The following RANBP17 variants were observed in gnomAD, a reference collection of about 807,000 sequenced individuals.
The protein encoded by RANBP17 is ran-binding protein 17.
Under a neutral mutation model 141.2 loss-of-function variants are expected in RANBP17, and 158 were observed. The ratio of observed to expected loss-of-function variants is 1.12; its 90% CI spans 0.98 to 1.28. The LOEUF (loss-of-function observed/expected upper bound fraction) is 1.28, where lower values mean the gene tolerates loss of function less well. Among genes scored for constraint, RANBP17 ranks in the 50% most tolerant of loss-of-function variants. The probability of loss-of-function intolerance (pLI) is 0.00; values close to 1 mark genes in which losing one functional copy is unlikely to be tolerated. For missense variants in RANBP17, 1,438 were observed against 1,290.7 expected (o/e 1.11, Z -1.75); for synonymous variants, 430 against 450.0 (o/e 0.96, Z 0.56).
chr5:170,946,817 T>G (rs1371867391), intron 12 of RANBP17, among the ~76,000 whole-genome samples: 1 of 152,196 alleles, frequency 6.6e-6, no homozygotes, highest in Non-Finnish European at 1.5e-5. Context: ...TTCAGCATTA[T>G]GCTTAGATCA....
chr5:171,025,837 C>G (rs1781200067), intron 14 of RANBP17, among the ~76,000 whole-genome samples: 1 of 152,108 alleles, frequency 6.6e-6, no homozygotes, highest in Admixed American at 6.6e-5. Flanking sequence ...ATCCTCCTGC[C>G]TCGGTCTCCC....
At chr5:171,200,212 G>A (rs1205402136) in intron 19 of RANBP17, among the ~76,000 whole-genome samples, 1 of 151,992 alleles carries the variant, frequency 6.6e-6, no homozygotes, top group African/African-American at 2.4e-5. Context: ...TTATTAAATG[G>A]CTAGGCATAT....
chr5:171,001,909 G>A (rs534445768), intron 14 of RANBP17, among the ~76,000 whole-genome samples: 1 of 152,252 alleles, frequency 6.6e-6, no homozygotes, highest in Non-Finnish European at 1.5e-5. Context: ...TCCAGTGAAA[G>A]CATCTACCGA....
chr5:171,224,846 T>G (rs1172446678), intron 22 of RANBP17, among the ~76,000 whole-genome samples: 1 of 152,244 alleles, frequency 6.6e-6, no homozygotes, highest in Non-Finnish European at 1.5e-5. Flanking sequence ...TAGTCCTATA[T>G]TAGACCATTT....
intron 1 of RANBP17, among the ~76,000 whole-genome samples, chr5:170,863,091 A>G (rs370351756): frequency 3.9e-5 from 6 of 152,280 alleles, no homozygotes; most frequent in East Asian, 1.9e-4. Flanking sequence ...GAACAAAACT[A>G]TGGTTTCTAC....
chr5:171,272,848 G>GC (rs72532757), intron 25 of RANBP17, among the ~76,000 whole-genome samples: 152,290 of 152,292 alleles, frequency 1, 76,144 homozygotes, highest in Middle Eastern at 1. Context: ...AAGTGGCTTT[G>GC]CAGTTGCTGC....
At chr5:171,258,267 A>G (rs1766054077) in intron 24 of RANBP17, among the ~76,000 whole-genome samples, 1 of 152,150 alleles carries the variant, frequency 6.6e-6, no homozygotes, top group South Asian at 2.1e-4. Context: ...AAAACATCCT[A>G]TGCTCATGGA....
intron 25 of RANBP17, among the ~76,000 whole-genome samples, chr5:171,272,023 A>G (rs1767147250): frequency 6.6e-6 from 1 of 152,226 alleles, no homozygotes; most frequent in Non-Finnish European, 1.5e-5. Context: ...TCAAAAAGAA[A>G]GAGATCATGT....
At chr5:170,953,491 C>T (rs538378398) in intron 12 of RANBP17, 106 bp from the exon 13 acceptor site, 4 of 681,188 alleles carry the variant, frequency 5.9e-6, no homozygotes, top group Admixed American at 2.8e-5. Flanking sequence ...TAATTTATCA[C>T]TCATTTGGAA....
At chr5:170,995,272 T>C (rs1309683621) in intron 14 of RANBP17, among the ~76,000 whole-genome samples, 1 of 152,144 alleles carries the variant, frequency 6.6e-6, no homozygotes, top group Non-Finnish European at 1.5e-5. Context: ...GCATTTACCA[T>C]GTTGTCTTTT....
At chr5:170,967,883 T>A (rs1452982749) in intron 13 of RANBP17, among the ~76,000 whole-genome samples, 1 of 151,748 alleles carries the variant, frequency 6.6e-6, no homozygotes, top group Non-Finnish European at 1.5e-5. Flanking sequence ...AATATCCTTC[T>A]TCTTTTACTA....
intron 14 of RANBP17, among the ~76,000 whole-genome samples, chr5:171,094,975 T>G (rs1786573343): frequency 6.6e-6 from 1 of 152,158 alleles, no homozygotes; most frequent in Non-Finnish European, 1.5e-5. Context: ...GTAAGTCCAA[T>G]CCCTGGTGCC....
intron 14 of RANBP17, among the ~76,000 whole-genome samples, chr5:171,036,437 A>G (rs182743661): frequency 1.1e-4 from 16 of 151,900 alleles, no homozygotes; most frequent in East Asian, 1.9e-4. Context: ...ACAATTTTCT[A>G]TCTTTTTCTT....
intron 25 of RANBP17, among the ~76,000 whole-genome samples, chr5:171,286,507 T>C (rs1768181372): frequency 6.6e-6 from 1 of 152,172 alleles, no homozygotes; most frequent in African/African-American, 2.4e-5. Flanking sequence ...ATATAGATAA[T>C]TTTAAAATTT....
chr5:171,230,631 G>A (rs994321278), intron 22 of RANBP17, among the ~76,000 whole-genome samples: 8 of 152,126 alleles, frequency 5.3e-5, no homozygotes, highest in Middle Eastern at 3.4e-3. Flanking sequence ...GTGTGGTGGC[G>A]GGCACCTGTA....
In RANBP17 at chr5:171,158,693, C is replaced by T. The variant is rs868484475; in HGVS notation, c.1711-11437C>T. 2.6e-5 allele frequency among the ~76,000 whole-genome samples: 4 copies of T among 151,608 alleles called. No homozygotes were observed. In the Middle Eastern group the frequency reaches 0.01, roughly 387 times the overall value. The stretch of plus-strand genomic sequence containing the variant: ...TGTCTCTCAATTTTCATGGTCACTT[C>T]CTTCCTTGCTCCCTCTTGGCCCACT... On this transcript the variant is annotated intron_variant, in intron 14 of 27. Coordinates refer to ENST00000523189, the MANE Select transcript of RANBP17 (RefSeq NM_022897.5).
At position 171,240,920 on chromosome 5, in the gene RANBP17, T is replaced by A. The variant is rs377038847; in HGVS notation, c.2423-8T>A. Reference sequence around the variant, plus strand: ...CTTATGTCACTTTCTGCTTTTATCCTGAAACAGGTAATCAGATCCTGTCCC... The same window carrying A: ...CTTATGTCACTTTCTGCTTTTATCCAGAAACAGGTAATCAGATCCTGTCCC... On this transcript the variant is annotated splice_region_variant and splice_polypyrimidine_tract_variant and intron_variant, in intron 22 of 27. Transcript: ENST00000523189. 2.2e-5 allele frequency: 36 copies of A among 1,600,102 alleles called. No individual in the cohort carries two copies. The East Asian group carries it at 4.2e-4, about 19-fold the overall frequency.
intron 13 of RANBP17, among the ~76,000 whole-genome samples, chr5:170,956,522 T>A (rs1055520626): frequency 2.0e-5 from 3 of 151,976 alleles, no homozygotes; most frequent in Non-Finnish European, 2.9e-5. Context: ...GGGGCCTCCT[T>A]AAAGTGCTTT....
intron 14 of RANBP17, among the ~76,000 whole-genome samples, chr5:170,989,364 A>G (rs886732186): frequency 1.3e-5 from 2 of 151,786 alleles, no homozygotes; most frequent in African/African-American, 4.8e-5. Flanking sequence ...TCATTTGGAA[A>G]CATAAGTCAT....
Sources: gnomAD v4.1 joint callset for allele counts (sites outside exome capture counted in the v4.1 genomes callset) on GRCh38, gnomAD v4.1.1 for gene constraint, MANE v1.5 for transcripts, NCBI Gene and HGNC (gene_info 2026-07-23, HGNC 2026-07-21) for gene names.